SREBF2: variants seen among roughly 807,000 people sequenced by gnomAD.
SREBF2 encodes the protein sterol regulatory element binding transcription factor 2.
A neutral mutation model predicts 113.1 loss-of-function variants in SREBF2; 55 were observed. The ratio of observed to expected loss-of-function variants is 0.49; its 90% CI spans 0.39 to 0.61. The LOEUF is 0.61. Among genes scored for constraint, SREBF2 ranks in the 20% least tolerant of loss-of-function variants. The pLI is 0.00. For synonymous variants in SREBF2, 593 were observed against 605.7 expected, an observed-to-expected ratio of 0.98 and a Z score of 0.31; for missense variants, 1,349 against 1,487.4, an observed-to-expected ratio of 0.91 and a Z score of 1.53.
In SREBF2 at chr22:41,839,597, A is replaced by T. The variant is rs571225481; in HGVS notation, c.88+6239A>T. The stretch of plus-strand genomic sequence containing the variant: ...GGAAGCAAGTAGTTCTCTTTGGAGA[A>T]AGTAGAATAATTTTTTCAATGAGCT... On this transcript the variant is annotated intron_variant, in intron 1 of 18. Coordinates refer to ENST00000361204, the MANE Select transcript of SREBF2 (RefSeq NM_004599.4). 2.0e-5 allele frequency among the ~76,000 whole-genome samples: 3 copies of T among 152,312 alleles called. No individual in the cohort carries two copies. The South Asian group carries it at 6.2e-4, about 32-fold the overall frequency.
chr22:41,845,122 G>A (rs1189279004), intron 1 of SREBF2, among the ~76,000 whole-genome samples: 2 of 151,892 alleles, frequency 1.3e-5, no homozygotes, highest in African/African-American at 4.8e-5. Flanking sequence ...GTAAAGATGA[G>A]GTTTCAACAT....
rs1222532583 is a variant in SREBF2, at chr22:41,906,625, G to GACTT, written c.*967_*970dup. The GACTT allele has an allele frequency of 6.6e-5, 10 of 152,326 alleles. No homozygotes were observed. Among genetic ancestry groups the GACTT allele is most frequent in the African/African-American group, 2.4e-4 (10 of 41,442 alleles). 9.4% of individuals were successfully genotyped at this position (152,326 alleles called of 1,614,324 possible). ...CTGTTGGGGTATTAAATGAATTTGT[G>GACTT]ACTTAGGATATTTTCATTTATGATG... On this transcript the variant is annotated 3_prime_UTR_variant, in exon 19 of 19. Coordinates refer to ENST00000361204, the MANE Select transcript of SREBF2 (RefSeq NM_004599.4).
At chr22:41,861,272 A>C (rs1258626914) in intron 1 of SREBF2, among the ~76,000 whole-genome samples, 1 of 151,762 alleles carries the variant, frequency 6.6e-6, no homozygotes, top group East Asian at 2.0e-4. Context: ...TCACAAGGTC[A>C]GCAGTTCGAG....
chr22:41,895,619 A>G (rs1410159407), intron 13 of SREBF2, among the ~76,000 whole-genome samples: 1 of 150,808 alleles, frequency 6.6e-6, no homozygotes, highest in African/African-American at 2.4e-5. Flanking sequence ...TACTTTTAGT[A>G]GAGATGAGGT....
Position 41,866,866 on chromosome 22 carries a change from T to C in SREBF2, c.124T>C (p.Phe42Leu), listed in dbSNP as rs752927725. 2.5e-6 allele frequency: 4 copies of C among 1,613,952 alleles called. No individual in the cohort carries two copies. Among genetic ancestry groups the C allele is most frequent in the Non-Finnish European group, 3.4e-6 (4 of 1,180,014 alleles). The change falls in exon 2 of 19, where the codon TTC becomes CTC. Residue 42 changes from phenylalanine to leucine, a missense_variant. By Grantham distance (22) the Phe-to-Leu change is conservative. Around this residue, in one of 2 missense-constraint regions of SREBF2, gnomAD observed 699 missense variants for 843.3 expected, o/e 0.83. Transcript: ENST00000361204. ...LQFVSNQVGE[F>L]PDLFSEQLCS... is the part of the protein sequence containing the mutation. ...ATTTGTCAGTAATCAAGTGGGAGAGTTCCCTGACTTGTTTTCAGAACAGCT... is the reference window on the plus strand; with the variant it reads ...ATTTGTCAGTAATCAAGTGGGAGAGCTCCCTGACTTGTTTTCAGAACAGCT...
At chr22:41,885,384 G>A (rs1445762971) in intron 11 of SREBF2, among the ~76,000 whole-genome samples, 1 of 152,214 alleles carries the variant, frequency 6.6e-6, no homozygotes, top group Non-Finnish European at 1.5e-5. Context: ...ATGTCTCATG[G>A]TTCTTTCATT....
At chr22:41,842,173 A>T (rs1295470896) in intron 1 of SREBF2, among the ~76,000 whole-genome samples, 1 of 152,250 alleles carries the variant, frequency 6.6e-6, no homozygotes, top group African/African-American at 2.4e-5. Context: ...AAAATAAAAT[A>T]CATAAAAAGG....
chr22:41,849,229 GTTGC>G (rs756466611), intron 1 of SREBF2, among the ~76,000 whole-genome samples: 3 of 152,060 alleles, frequency 2.0e-5, no homozygotes, highest in Non-Finnish European at 2.9e-5. Context: ...GTCTCACTGT[GTTGC>G]CCAGGCTGGA....
In SREBF2 at chr22:41,833,341, C is replaced by A. The variant is rs1343315303; in HGVS notation, c.71C>A (p.Thr24Asn). The A allele has an allele frequency of 1.3e-6, 2 of 1,503,772 alleles. No individual in the cohort carries two copies. Among genetic ancestry groups the A allele is most frequent in the Non-Finnish European group, 1.8e-6 (2 of 1,120,946 alleles). 93.2% of individuals were successfully genotyped at this position (1,503,772 alleles called of 1,614,324 possible). Reference sequence around the variant, plus strand: ...CTCACGGAGCTGGGCGACGAGCTGACCCTGGGAGACATCGACGGTGAGTGG... The same window carrying A: ...CTCACGGAGCTGGGCGACGAGCTGAACCTGGGAGACATCGACGGTGAGTGG... ...ETLTELGDEL[T>N]LGDIDEMLQF... The change falls in exon 1 of 19, where the codon ACC becomes AAC. Residue 24 changes from threonine (T) to asparagine (N), a missense_variant. Transcript: ENST00000361204. The surrounding 1 kb of genome is among the most constrained non-coding windows in gnomAD (Gnocchi z 4.1).
intron 5 of SREBF2, 44 bp downstream of exon 5, chr22:41,874,063 C>G (rs745697633): frequency 1.9e-6 from 3 of 1,607,222 alleles, no homozygotes; most frequent in Non-Finnish European, 2.6e-6. Flanking sequence ...ACCATCTCCC[C>G]TCTACCTGTT....
intron 5 of SREBF2, among the ~76,000 whole-genome samples, chr22:41,874,437 A>G (rs1215202757): frequency 6.6e-6 from 1 of 152,266 alleles, no homozygotes; most frequent in African/African-American, 2.4e-5. Flanking sequence ...CCAGCAACAC[A>G]TAGAGGAAAC....
In SREBF2 at chr22:41,898,764, G is replaced by C. The variant is rs761344531; in HGVS notation, c.2721G>C (p.Lys907Asn). Reference sequence around the variant, plus strand: ...TTACCAAAGTGGAACGCATCCCCAAGGCCCTGGAAGTGACAGAGTGCGTAA... The same window carrying C: ...TTACCAAAGTGGAACGCATCCCCAACGCCCTGGAAGTGACAGAGTGCGTAA... ...SHFTKVERIP[K>N]ALEVTESPLV... is the part of the protein sequence containing the mutation. Residue 907 changes from lysine to asparagine, a missense_variant, in exon 15 of 19, where the codon AAG becomes AAC. By Grantham distance (94) the Lys-to-Asn change is moderately conservative (BLOSUM62 0). Around this residue, in one of 2 missense-constraint regions of SREBF2, gnomAD observed 650 missense variants for 644.1 expected, o/e 1.01. Transcript: ENST00000361204. 9 of 1,614,104 alleles carry C rather than the reference G, an allele frequency of 5.6e-6. No homozygotes were observed. The South Asian group carries it at 9.9e-5, about 18-fold the overall frequency.
intron 9 of SREBF2, 120 bp from the exon 10 acceptor site, chr22:41,880,596 C>T (rs974608812): frequency 5.2e-5 from 69 of 1,317,666 alleles, no homozygotes; most frequent in South Asian, 4.4e-4. Flanking sequence ...AAGTTTCCCT[C>T]GTTTTTATGA....
chr22:41,841,665 T>A (rs2076831704), intron 1 of SREBF2, among the ~76,000 whole-genome samples: 1 of 152,230 alleles, frequency 6.6e-6, no homozygotes, highest in Non-Finnish European at 1.5e-5. Flanking sequence ...ACTAGATCAT[T>A]TCACTCCTCA....
chr22:41,865,770 C>T (rs1253182371), intron 1 of SREBF2, among the ~76,000 whole-genome samples: 2 of 152,174 alleles, frequency 1.3e-5, no homozygotes, highest in South Asian at 2.1e-4. Context: ...GTGTCCTGGC[C>T]TGGCAACATA....
intron 1 of SREBF2, among the ~76,000 whole-genome samples, chr22:41,856,445 A>G (rs1293941653): frequency 6.6e-6 from 1 of 152,206 alleles, no homozygotes; most frequent in Non-Finnish European, 1.5e-5. Flanking sequence ...TTTCTTTAAC[A>G]AAATAAATCA....
At chr22:41,893,521 C>G (rs1223472727) in intron 12 of SREBF2, among the ~76,000 whole-genome samples, 1 of 152,140 alleles carries the variant, frequency 6.6e-6, no homozygotes, top group Non-Finnish European at 1.5e-5. Context: ...CAGCTCTGCT[C>G]TCTCTAACAT....
Position 41,873,881 on chromosome 22 carries a change from T to C in SREBF2, c.951T>C (p.Pro317=), listed in dbSNP as rs2077168084. 2 of 1,613,992 alleles carry C rather than the reference T, an allele frequency of 1.2e-6. No homozygotes were observed. The highest frequency in any genetic ancestry group is 1.7e-6 in the Non-Finnish European group (2 of 1,179,962). ...GQEKVPIKQV[P]GGVKQLEPPK... Reference sequence around the variant, plus strand: ...AGAAAGTGCCCATTAAGCAGGTACCTGGGGGAGTCAAGCAGCTTGAGCCCC... The same window carrying C: ...AGAAAGTGCCCATTAAGCAGGTACCCGGGGGAGTCAAGCAGCTTGAGCCCC... The change falls in exon 5 of 19, where the codon CCT becomes CCC. Residue 317 remains proline (P), a synonymous_variant. Transcript: ENST00000361204.
At chr22:41,890,920 G>A (rs755518761) in intron 11 of SREBF2, among the ~76,000 whole-genome samples, 175 of 151,312 alleles carry the variant, frequency 1.2e-3, no homozygotes, top group Non-Finnish European at 2.2e-3. Flanking sequence ...AAAAAAAAAA[G>A]AAAAGAAAAG....
Sources: allele counts gnomAD v4.1 joint callset (sites outside exome capture counted in the v4.1 genomes callset), GRCh38; gene constraint gnomAD v4.1.1; regional missense constraint gnomAD v4.1.1; non-coding constraint Gnocchi (gnomAD v3.1); transcripts MANE v1.5; gene names NCBI Gene and HGNC (gene_info 2026-07-23, HGNC 2026-07-21).